Variants in PATJ observed in about 807,000 individuals in gnomAD.
The protein encoded by PATJ is inaD-like protein.
In PATJ, 190 loss-of-function variants were observed where a neutral mutation model predicts 224.9. That is an observed-to-expected ratio of 0.84 (90% confidence interval 0.75 to 0.95). PATJ has a LOEUF of 0.95. PATJ is among the 40% of genes least tolerant of loss of function. The pLI is 0.00. For missense variants in PATJ, 2,121 were observed against 2,270.3 expected, an observed-to-expected ratio of 0.93 and a Z score of 1.34; for synonymous variants, 769 against 820.3, an observed-to-expected ratio of 0.94 and a Z score of 1.07.
intron 23 of PATJ, 89 bp from the exon 24 acceptor site, chr1:61,901,193 A>T: frequency 3.1e-6 from 2 of 637,030 alleles, no homozygotes; most frequent in Non-Finnish European, 4.9e-6. Context: ...ATAAAATATG[A>T]GTCACAAGGA....
In PATJ at chr1:61,911,683, A is replaced by G. The variant is rs902998177; in HGVS notation, c.3493-2904A>G. Among the ~76,000 whole-genome samples, 8 of 132,232 alleles carry G rather than the reference A, an allele frequency of 6.0e-5. No homozygotes were observed. The East Asian group carries it at 8.1e-4, about 13-fold the overall frequency. 86.7% of individuals were successfully genotyped at this position (132,232 alleles called of 152,430 possible). On this transcript the variant is annotated intron_variant, in intron 25 of 43. Coordinates refer to ENST00000642238, the MANE Select transcript of PATJ (RefSeq NM_001350145.3). ...AACTGCACTTCACAGAAATTCCATC[A>G]TCTATATATTTTTATATATATATAT...
At chr1:61,947,747 G>A (rs898258077) in intron 27 of PATJ, among the ~76,000 whole-genome samples, 4 of 152,046 alleles carry the variant, frequency 2.6e-5, no homozygotes, top group East Asian at 3.8e-4. Context: ...AAAAGAGCCC[G>A]CATTGCCAAA....
intron 28 of PATJ, among the ~76,000 whole-genome samples, chr1:62,004,272 T>A (rs1645964469): frequency 6.6e-6 from 1 of 152,194 alleles, no homozygotes; most frequent in Admixed American, 6.5e-5. Context: ...AACACAGTGT[T>A]TAATACATGG....
intron 41 of PATJ, among the ~76,000 whole-genome samples, chr1:62,140,943 T>TAGA (rs975646789): frequency 9.2e-5 from 14 of 151,948 alleles, no homozygotes; most frequent in African/African-American, 3.1e-4. Flanking sequence ...GCTTTCTTCC[T>TAGA]AGAAAGCTAG....
chr1:61,938,503 A>G (rs1677241902), intron 27 of PATJ, among the ~76,000 whole-genome samples: 1 of 152,146 alleles, frequency 6.6e-6, no homozygotes, highest in African/African-American at 2.4e-5. Flanking sequence ...CATGTAACCA[A>G]TCTGCACATG....
chr1:62,050,690 GAA>G, intron 30 of PATJ, among the ~76,000 whole-genome samples: 1 of 152,102 alleles, frequency 6.6e-6, no homozygotes. Flanking sequence ...ACTGGGAAAA[GAA>G]AAAGACTATC....
chr1:61,858,388 A>C (rs1664033550), intron 18 of PATJ, among the ~76,000 whole-genome samples: 1 of 152,092 alleles, frequency 6.6e-6, no homozygotes, highest in Admixed American at 6.6e-5. Context: ...TTGGCCTTCA[A>C]GTAGCTGGGA....
chr1:61,758,793 C>T (rs999987843), intron 1 of PATJ, among the ~76,000 whole-genome samples: 1 of 151,656 alleles, frequency 6.6e-6, no homozygotes. Flanking sequence ...TTTAAAGAGT[C>T]AGTGTCTCAC....
intron 27 of PATJ, among the ~76,000 whole-genome samples, chr1:61,945,866 C>A (rs1442022497): frequency 6.6e-6 from 1 of 152,226 alleles, no homozygotes; most frequent in African/African-American, 2.4e-5. Context: ...AACAAACTGT[C>A]TCTCAGACCA....
chr1:62,107,318 A>T (rs1210456677), intron 33 of PATJ, among the ~76,000 whole-genome samples: 4 of 150,816 alleles, frequency 2.7e-5, no homozygotes, highest in Admixed American at 1.3e-4. Flanking sequence ...AAAAAAAAAA[A>T]GGAGAAGCTG....
intron 3 of PATJ, among the ~76,000 whole-genome samples, chr1:61,765,458 A>G (rs1570347697): frequency 6.6e-6 from 1 of 151,440 alleles, no homozygotes; most frequent in African/African-American, 2.4e-5. Flanking sequence ...ATCTCGGCTC[A>G]CTGTAGCCTC....
intron 41 of PATJ, among the ~76,000 whole-genome samples, chr1:62,144,775 A>ATATATATATATATATATAT (rs1218856613): frequency 1.5e-4 from 14 of 90,838 alleles, no homozygotes; most frequent in South Asian, 6.7e-4. Flanking sequence ...GCAAAAAAAA[A>ATATATATATATATATATAT]AAATATATAT....
At chr1:61,907,808 A>G (rs1672060536) in intron 24 of PATJ, among the ~76,000 whole-genome samples, 1 of 152,218 alleles carries the variant, frequency 6.6e-6, no homozygotes, top group Admixed American at 6.5e-5. Flanking sequence ...ATGTTCTCTG[A>G]AATTTTCTAT....
intron 31 of PATJ, among the ~76,000 whole-genome samples, chr1:62,077,172 G>T (rs1487817855): frequency 1.1e-4 from 16 of 152,266 alleles, no homozygotes; most frequent in Non-Finnish European, 2.9e-5. Flanking sequence ...CCTAAAAATT[G>T]TACATTCACT....
At chr1:62,008,081 A>G (rs1188716316) in intron 28 of PATJ, among the ~76,000 whole-genome samples, 2 of 152,184 alleles carry the variant, frequency 1.3e-5, no homozygotes, top group Non-Finnish European at 2.9e-5. Context: ...GAATATGGAC[A>G]TCTCACAGAA....
intron 27 of PATJ, among the ~76,000 whole-genome samples, chr1:61,981,764 C>A (rs1644464089): frequency 6.6e-6 from 1 of 151,790 alleles, no homozygotes; most frequent in African/African-American, 2.4e-5. Flanking sequence ...CTCCGCCTCC[C>A]AGATTCAAGC....
chr1:61,927,232 A>C (rs1675343639), intron 26 of PATJ, among the ~76,000 whole-genome samples: 1 of 152,204 alleles, frequency 6.6e-6, no homozygotes, highest in Non-Finnish European at 1.5e-5. Flanking sequence ...AGATGAATAC[A>C]TTTTCAGTTA....
intron 28 of PATJ, among the ~76,000 whole-genome samples, chr1:62,000,178 C>T (rs537141723): frequency 1.3e-4 from 19 of 150,618 alleles, no homozygotes; most frequent in Admixed American, 2.6e-4. Context: ...TGACAGCCAC[C>T]GTGCCCAGCC....
At chr1:61,856,964 A>C (rs1364946666) in intron 18 of PATJ, among the ~76,000 whole-genome samples, 1 of 152,190 alleles carries the variant, frequency 6.6e-6, no homozygotes, top group Admixed American at 6.5e-5. Flanking sequence ...TGGTATGATA[A>C]GTTGAAATCC....
Sources: allele counts gnomAD v4.1 joint callset (sites outside exome capture counted in the v4.1 genomes callset), GRCh38; gene constraint gnomAD v4.1.1; transcripts MANE v1.5; gene names NCBI Gene and HGNC (gene_info 2026-07-23, HGNC 2026-07-21).